The following RUNDC3B variants were observed in gnomAD, a reference collection of about 807,000 sequenced individuals.
RUNDC3B encodes RUN domain-containing protein 3B.
A neutral mutation model predicts 58.4 loss-of-function variants in RUNDC3B; 33 were observed. That is an observed-to-expected ratio of 0.56 (90% confidence interval 0.43 to 0.75). The LOEUF is 0.75. Ranked by LOEUF, RUNDC3B falls within the 30% of genes least tolerant of loss-of-function variation. The pLI, the probability that RUNDC3B is intolerant of heterozygous loss-of-function variation, is 0.00. For synonymous variants in RUNDC3B, 193 were observed against 195.2 expected (o/e 0.99, Z 0.10); for missense variants, 501 against 535.7 (o/e 0.94, Z 0.64).
At chr7:87,711,964 A>G (rs1830130744) in intron 4 of RUNDC3B, among the ~76,000 whole-genome samples, 2 of 152,182 alleles carry the variant, frequency 1.3e-5, no homozygotes, top group African/African-American at 2.4e-5. Flanking sequence ...TGAGATCTTA[A>G]CTTCCATATC....
chr7:87,732,564 A>G (rs988593040), intron 4 of RUNDC3B, among the ~76,000 whole-genome samples: 2 of 152,166 alleles, frequency 1.3e-5, no homozygotes, highest in South Asian at 4.1e-4. Flanking sequence ...CTGCAATGCA[A>G]CGGGGCTCTC....
chr7:87,705,319 G>A (rs550594986), intron 3 of RUNDC3B, among the ~76,000 whole-genome samples: 1 of 152,216 alleles, frequency 6.6e-6, no homozygotes, highest in African/African-American at 2.4e-5. Context: ...CCAGCTACTT[G>A]GGAGGCTGAG....
chr7:87,810,184 A>G (rs1170205711), intron 9 of RUNDC3B, among the ~76,000 whole-genome samples: 1 of 152,226 alleles, frequency 6.6e-6, no homozygotes, highest in African/African-American at 2.4e-5. Flanking sequence ...AACTTTAGAC[A>G]AATTAAGTTA....
chr7:87,740,166 G>T lies in RUNDC3B; in HGVS notation c.548+286G>T, dbSNP rs374390284. ...ACAGCCCCCTCCCTAATGAAGGAAG[G>T]CTTTGAATCTTATCTCTTAGTATTT... On this transcript the variant is annotated intron_variant, in intron 5 of 10. Transcript: ENST00000394654. 2.1e-4 allele frequency among the ~76,000 whole-genome samples: 32 copies of T among 152,058 alleles called. No individual in the cohort carries two copies. In the South Asian group the frequency reaches 6.2e-3, roughly 30 times the overall value.
At chr7:87,815,545 T>A (rs1836982131) in intron 9 of RUNDC3B, among the ~76,000 whole-genome samples, 1 of 152,076 alleles carries the variant, frequency 6.6e-6, no homozygotes, top group African/African-American at 2.4e-5. Context: ...TTTATTAGCT[T>A]AATAGAAAAT....
intron 4 of RUNDC3B, among the ~76,000 whole-genome samples, chr7:87,711,579 A>G (rs1435887435): frequency 6.6e-6 from 1 of 152,124 alleles, no homozygotes; most frequent in Non-Finnish European, 1.5e-5. Context: ...TTTTCTTCAA[A>G]TCAAAAGTAT....
intron 6 of RUNDC3B, among the ~76,000 whole-genome samples, chr7:87,759,659 G>GTAGT (rs1833568830): frequency 6.6e-6 from 1 of 151,948 alleles, no homozygotes; most frequent in Non-Finnish European, 1.5e-5. Flanking sequence ...TTAGCCAGAT[G>GTAGT]TAGTGGTGTT....
intron 7 of RUNDC3B, 87 bp downstream of exon 7, chr7:87,770,836 AAATT>A (rs1834237582): frequency 1.1e-6 from 1 of 895,436 alleles, no homozygotes; most frequent in African/African-American, 1.7e-5. Flanking sequence ...TAACTGAATA[AAATT>A]ATTTATCCAT....
intron 2 of RUNDC3B, among the ~76,000 whole-genome samples, chr7:87,674,284 ATGCAGT>A (rs1826108022): frequency 6.6e-6 from 1 of 152,088 alleles, no homozygotes; most frequent in Non-Finnish European, 1.5e-5. Context: ...GCAGGTACTT[ATGCAGT>A]TGTGGCAGGG....
At chr7:87,716,567 G>C (rs913054492) in intron 4 of RUNDC3B, among the ~76,000 whole-genome samples, 4 of 152,066 alleles carry the variant, frequency 2.6e-5, no homozygotes, top group African/African-American at 9.7e-5. Context: ...TTTCTAATTT[G>C]TCTCTGCGTA....
chr7:87,790,602 G>C (rs1835471484), intron 8 of RUNDC3B, among the ~76,000 whole-genome samples: 3 of 152,042 alleles, frequency 2.0e-5, no homozygotes, highest in Admixed American at 2.0e-4. Flanking sequence ...ATACAGGTAA[G>C]TAATTTGGAA....
chr7:87,707,305 A>G (rs1405186802), intron 3 of RUNDC3B, among the ~76,000 whole-genome samples: 5 of 152,166 alleles, frequency 3.3e-5, no homozygotes, highest in African/African-American at 1.2e-4. Flanking sequence ...AAGCAATTAT[A>G]ATAGGTTCAA....
chr7:87,728,703 G>T (rs1391505602), intron 4 of RUNDC3B, among the ~76,000 whole-genome samples: 3 of 152,168 alleles, frequency 2.0e-5, no homozygotes, highest in Non-Finnish European at 4.4e-5. Flanking sequence ...AATGCCATTT[G>T]CAAAGTCCCT....
At chr7:87,666,808 C>G (rs1199098982) in intron 2 of RUNDC3B, among the ~76,000 whole-genome samples, 1 of 151,964 alleles carries the variant, frequency 6.6e-6, no homozygotes, top group East Asian at 1.9e-4. Context: ...AGGTGTGTAG[C>G]CTTATTTCTG....
intron 1 of RUNDC3B, among the ~76,000 whole-genome samples, chr7:87,639,099 A>G (rs1584968855): frequency 6.6e-6 from 1 of 151,164 alleles, no homozygotes; most frequent in East Asian, 1.9e-4. Flanking sequence ...TTGCAGTGAG[A>G]AGAGACGGCA....
intron 8 of RUNDC3B, among the ~76,000 whole-genome samples, chr7:87,798,103 T>C (rs1835909186): frequency 6.6e-6 from 1 of 152,220 alleles, no homozygotes; most frequent in Non-Finnish European, 1.5e-5. Flanking sequence ...TGTGCATTTT[T>C]CCCTTGCCTT....
At chr7:87,703,361 A>G (rs1452592965) in intron 3 of RUNDC3B, among the ~76,000 whole-genome samples, 3 of 152,186 alleles carry the variant, frequency 2.0e-5, no homozygotes, top group East Asian at 1.9e-4. Context: ...ACCAAAATCT[A>G]TAATGTTTAA....
At chr7:87,737,055 G>A (rs10237438) in intron 4 of RUNDC3B, among the ~76,000 whole-genome samples, 7,278 of 150,360 alleles carry the variant, frequency 0.048, 262 homozygotes, top group East Asian at 0.092. Context: ...GTGCCACCAC[G>A]TCTGGCTAAT....
chr7:87,710,506 AT>A (rs1829981628), intron 3 of RUNDC3B, 63 bp from the exon 4 acceptor site: 4 of 881,646 alleles, frequency 4.5e-6, no homozygotes, highest in Non-Finnish European at 7.1e-6. Flanking sequence ...AATATTTTTG[AT>A]GGCACAGTGG....
Sources: gnomAD v4.1 joint callset for allele counts (sites outside exome capture counted in the v4.1 genomes callset) on GRCh38, gnomAD v4.1.1 for gene constraint, MANE v1.5 for transcripts, NCBI Gene and HGNC (gene_info 2026-07-23, HGNC 2026-07-21) for gene names.